ATP2C1: variants seen among roughly 807,000 people sequenced by gnomAD.
ATP2C1 encodes ATPase secretory pathway Ca2+ transporting 1.
ATP2C1 carries 31 observed loss-of-function variants against 120.5 expected under a neutral mutation model. The observed-to-expected ratio is 0.26, with a 90% CI of 0.19 to 0.35. The LOEUF is 0.35. Ranked by LOEUF, ATP2C1 falls within the 10% of genes least tolerant of loss-of-function variation. The pLI, the probability that ATP2C1 is intolerant of heterozygous loss-of-function variation, is 1.00. For missense variants in ATP2C1, 731 were observed against 1,107.5 expected, an observed-to-expected ratio of 0.66 and a Z score of 4.83; for synonymous variants, 351 against 358.7, an observed-to-expected ratio of 0.98 and a Z score of 0.24.
intron 7 of ATP2C1, 152 bp from the exon 8 acceptor site, chr3:130,941,439 G>C (rs1001164630): frequency 1.5e-6 from 1 of 668,328 alleles, no homozygotes; most frequent in African/African-American, 1.8e-5. Flanking sequence ...GTTATTTTCT[G>C]TCATCTTGGC....
chr3:131,005,230 C>CTCAG (rs1046182560), downstream of ATP2C1, among the ~76,000 whole-genome samples: 14 of 151,506 alleles, frequency 9.2e-5, no homozygotes, highest in Admixed American at 5.9e-4. Context: ...ATCCTCCCAC[C>CTCAG]TCAGCCTCCT....
intron 20 of ATP2C1, among the ~76,000 whole-genome samples, chr3:130,991,062 A>G (rs986463241): frequency 2.0e-5 from 3 of 152,206 alleles, no homozygotes; most frequent in African/African-American, 4.8e-5. Context: ...GTGCCTGGGT[A>G]TGCTCACCTG....
At position 131,002,459 on chromosome 3, in the gene ATP2C1, G is replaced by T. The variant is rs1030740331; in HGVS notation, c.*1109G>T. On this transcript the variant is annotated 3_prime_UTR_variant, in exon 28 of 28. Transcript: ENST00000510168. ...GGCCTAGATTTTAGCACAAACCTGA[G>T]TATATCTCTTCTACTTTCATCATGT... 43 of 985,234 alleles carry T rather than the reference G, an allele frequency of 4.4e-5. No homozygotes were observed. Among genetic ancestry groups the T allele is most frequent in the Non-Finnish European group, 4.8e-5 (40 of 829,922 alleles). The allele number at this position is 985,234 out of a possible 1,614,324, so 61.0% of individuals were successfully genotyped here.
Position 130,934,681 on chromosome 3 carries a change from T to C in ATP2C1, c.294T>C (p.His98=). ...LASAVISVLM[H]QFDDAVSITV... ...CTGCAGTCATCAGTGTTTTAATGCA[T>C]CAGTTTGATGATGCCGTCAGTATCA... The change falls in exon 5 of 28, where the codon CAT becomes CAC. Residue 98 remains histidine, a synonymous_variant. Transcript: ENST00000510168. The C allele has an allele frequency of 1.9e-6, 3 of 1,612,832 alleles. No individual in the cohort carries two copies. Among genetic ancestry groups the C allele is most frequent in the Non-Finnish European group, 8.5e-7 (1 of 1,178,878 alleles).
Position 130,921,839 on chromosome 3 carries a change from T to C in ATP2C1, c.7-8577T>C, listed in dbSNP as rs1576724946. Among the ~76,000 whole-genome samples, 7 of 152,338 alleles carry C rather than the reference T, an allele frequency of 4.6e-5. No homozygotes were observed. In the South Asian group the frequency reaches 1.4e-3, roughly 32 times the overall value. On this transcript the variant is annotated intron_variant, in intron 2 of 27. Coordinates refer to ENST00000510168, the MANE Select transcript of ATP2C1 (RefSeq NM_001378687.1). ...CACTTGATCATGGTGTATTACCTTT[T>C]TGATAGGCTGTTAGATTCAGTTAGC...
intron 2 of ATP2C1, among the ~76,000 whole-genome samples, chr3:130,923,603 C>G (rs2108277276): frequency 6.6e-6 from 1 of 152,020 alleles, no homozygotes; most frequent in Non-Finnish European, 1.5e-5. Context: ...AGTGGTGGCT[C>G]ACACCTGTAA....
intron 2 of ATP2C1, among the ~76,000 whole-genome samples, chr3:130,902,284 G>GTTTTTTTTTTTTTTTTTTTTTT (rs1157956407): frequency 7.6e-5 from 5 of 65,504 alleles, no homozygotes; most frequent in African/African-American, 2.3e-4. Flanking sequence ...AAGGCTTCAC[G>GTTTTTTTTTTTTTTTTTTTTTT]TTTTTTTTTT....
chr3:130,938,216 T>C (rs745809134), intron 6 of ATP2C1, among the ~76,000 whole-genome samples: 6 of 152,182 alleles, frequency 3.9e-5, no homozygotes, highest in Admixed American at 1.3e-4. Context: ...TACAGACAAA[T>C]AAAAATGTAG....
At chr3:130,959,205 T>A in intron 11 of ATP2C1, 70 bp from the exon 12 acceptor site, 1 of 1,183,316 alleles carries the variant, frequency 8.5e-7, no homozygotes, top group Non-Finnish European at 1.3e-6. Context: ...TTTAGATTCC[T>A]TCAGCTTGTT....
At chr3:130,979,511 A>G in intron 19 of ATP2C1, 92 bp downstream of exon 19, 1 of 1,323,976 alleles carries the variant, frequency 7.6e-7, no homozygotes, top group Non-Finnish European at 1.1e-6. Context: ...GAATATGTTT[A>G]TGTAATATTG....
intron 1 of ATP2C1, among the ~76,000 whole-genome samples, chr3:130,858,229 T>A (rs1236870745): frequency 6.6e-6 from 1 of 152,090 alleles, no homozygotes; most frequent in Non-Finnish European, 1.5e-5. Context: ...AATACCCTCA[T>A]AGACACATCC....
upstream of ATP2C1, among the ~76,000 whole-genome samples, chr3:130,893,683 T>C (rs2069290970): frequency 6.6e-6 from 1 of 152,212 alleles, no homozygotes; most frequent in Admixed American, 6.5e-5. Context: ...ACAGCGGCCA[T>C]GACTCTCAGC....
Position 130,999,687 on chromosome 3 carries a change from A to G in ATP2C1, c.2629+28A>G, listed in dbSNP as rs1026721801. ...AAAGAAAACGTTATCTTTATCATTT[A>G]TGTATTTTAGATAAATCATATTTTC... is the stretch of plus-strand genomic sequence containing the variant. On this transcript the variant is annotated intron_variant, in intron 27 of 27. Transcript: ENST00000510168. 3.1e-6 allele frequency: 5 copies of G among 1,587,560 alleles called. No individual in the cohort carries two copies. The South Asian group carries it at 5.5e-5, about 18-fold the overall frequency.
Position 130,972,597 on chromosome 3 carries a change from A to G in ATP2C1, c.1414-2735A>G, listed in dbSNP as rs576427016. Among the ~76,000 whole-genome samples the G allele has an allele frequency of 2.9e-4, 43 of 148,256 alleles. 1 individual carries two copies. The highest frequency in any genetic ancestry group is 3.4e-4 in the Non-Finnish European group (23 of 67,040). ...ATTAACTCATCATTTAGCATTAGGTATATCTCCTAATGCTATCCCTCCCCC... is the reference window on the plus strand; with the variant it reads ...ATTAACTCATCATTTAGCATTAGGTGTATCTCCTAATGCTATCCCTCCCCC... On this transcript the variant is annotated intron_variant, in intron 17 of 27. Coordinates refer to ENST00000510168, the MANE Select transcript of ATP2C1 (RefSeq NM_001378687.1).
At chr3:130,925,179 TG>T (rs1179308769) in intron 2 of ATP2C1, among the ~76,000 whole-genome samples, 3 of 152,226 alleles carry the variant, frequency 2.0e-5, no homozygotes, top group Admixed American at 6.5e-5. Flanking sequence ...ATTGTTTTTC[TG>T]GTTCCTTCTC....
chr3:130,864,075 A>G (rs980709263), intron 1 of ATP2C1, among the ~76,000 whole-genome samples: 3 of 152,200 alleles, frequency 2.0e-5, no homozygotes, highest in African/African-American at 7.2e-5. Context: ...AAAATTTGGG[A>G]AAGTTTGGAA....
intron 1 of ATP2C1, among the ~76,000 whole-genome samples, chr3:130,879,687 T>A (rs1250722116): frequency 3.9e-5 from 6 of 152,254 alleles, no homozygotes; most frequent in African/African-American, 4.8e-5. Context: ...ATACAGTATC[T>A]TTCATAGAAA....
chr3:130,998,393 T>G lies in ATP2C1; in HGVS notation c.2487+4T>G, dbSNP rs1577042547. On this transcript the variant is annotated splice_donor_region_variant and intron_variant, in intron 26 of 27. Transcript: ENST00000510168. The stretch of plus-strand genomic sequence containing the variant: ...TGCACTAAGTTCCAGATCCCAGGTA[T>G]GTTTAGGTGAACTTAGTTGATTGAC... The G allele has an allele frequency of 6.3e-7, 1 of 1,584,212 alleles. No individual in the cohort carries two copies. The highest frequency in any genetic ancestry group is 8.7e-7 in the Non-Finnish European group (1 of 1,152,866).
chr3:130,907,730 C>CTTT (rs201616375), intron 2 of ATP2C1, among the ~76,000 whole-genome samples: 1 of 126,564 alleles, frequency 7.9e-6, no homozygotes, highest in African/African-American at 2.9e-5. Context: ...GTCTGCCTTT[C>CTTT]TTTTTTTTTT....
Sources: gnomAD v4.1 joint callset for allele counts (sites outside exome capture counted in the v4.1 genomes callset) on GRCh38, gnomAD v4.1.1 for gene constraint, MANE v1.5 for transcripts, NCBI Gene and HGNC (gene_info 2026-07-23, HGNC 2026-07-21) for gene names.